GLIS3: variants seen among roughly 807,000 people sequenced by gnomAD.
The protein encoded by GLIS3 is GLIS family zinc finger 3, also known as zinc finger protein GLIS3.
Under a neutral mutation model 78.6 loss-of-function variants are expected in GLIS3, and 53 were observed. That is an observed-to-expected ratio of 0.67 (90% CI 0.54 to 0.85). GLIS3 has a LOEUF of 0.85. GLIS3 is among the 40% of genes least tolerant of loss of function. The pLI is 0.00. For synonymous variants in GLIS3, 684 were observed against 509.9 expected, an observed-to-expected ratio of 1.34 and a Z score of -4.60; for missense variants, 1,703 against 1,231.1, an observed-to-expected ratio of 1.38 and a Z score of -5.74.
intron 2 of GLIS3, among the ~76,000 whole-genome samples, chr9:4,133,631 G>C (rs1422542531): frequency 6.6e-6 from 1 of 152,154 alleles, no homozygotes; most frequent in Non-Finnish European, 1.5e-5. Context: ...GTTAACACTA[G>C]CAGTTACCTC....
At chr9:4,047,471 T>G (rs1380256993) in intron 4 of GLIS3, among the ~76,000 whole-genome samples, 1 of 152,212 alleles carries the variant, frequency 6.6e-6, no homozygotes, top group African/African-American at 2.4e-5. Flanking sequence ...TTCATTTCAC[T>G]AATTTCAAAA....
At chr9:4,115,925 A>C (rs555240933) in intron 4 of GLIS3, among the ~76,000 whole-genome samples, 1 of 152,334 alleles carries the variant, frequency 6.6e-6, no homozygotes, top group East Asian at 1.9e-4. Flanking sequence ...ATCATCTCCC[A>C]TACCCATTCT....
the GLIS3 span, among the ~76,000 whole-genome samples, chr9:4,459,958 G>A: frequency 6.6e-6 from 1 of 152,130 alleles, no homozygotes; most frequent in Non-Finnish European, 1.5e-5. Flanking sequence ...TGACACAGAT[G>A]ACCTTAATAA....
At chr9:4,021,191 A>G (rs997782270) in intron 4 of GLIS3, among the ~76,000 whole-genome samples, 2 of 151,942 alleles carry the variant, frequency 1.3e-5, no homozygotes, top group African/African-American at 4.8e-5. Context: ...ATATGTGTAT[A>G]CACACTATAT....
At chr9:4,267,684 C>G (rs1479880224) in intron 2 of GLIS3, among the ~76,000 whole-genome samples, 1 of 152,116 alleles carries the variant, frequency 6.6e-6, no homozygotes, top group Non-Finnish European at 1.5e-5. Context: ...TGACCAGGAT[C>G]CTCACAAATC....
chr9:4,341,952 T>C (rs1817839283), intron 2 of GLIS3, among the ~76,000 whole-genome samples: 2 of 151,902 alleles, frequency 1.3e-5, no homozygotes, highest in South Asian at 4.1e-4. Flanking sequence ...GGATGTATGT[T>C]TTTGCTTGTT....
chr9:4,487,524 T>C, the GLIS3 span, among the ~76,000 whole-genome samples: 1 of 152,136 alleles, frequency 6.6e-6, no homozygotes, highest in Non-Finnish European at 1.5e-5. Context: ...CTAAATACTT[T>C]ACCCCGAGAA....
intron 2 of GLIS3, among the ~76,000 whole-genome samples, chr9:4,221,008 T>G (rs1191818260): frequency 6.6e-6 from 1 of 152,108 alleles, no homozygotes; most frequent in Non-Finnish European, 1.5e-5. Context: ...AATTAATAAG[T>G]GTTTCTCTGG....
intron 4 of GLIS3, among the ~76,000 whole-genome samples, chr9:3,953,973 C>T (rs1252264110): frequency 6.6e-6 from 1 of 152,082 alleles, no homozygotes; most frequent in African/African-American, 2.4e-5. Context: ...TTCACAATAC[C>T]ACGTTTTTTT....
chr9:4,444,937 T>C, the GLIS3 span, among the ~76,000 whole-genome samples: 10 of 152,222 alleles, frequency 6.6e-5, no homozygotes, highest in African/African-American at 2.2e-4. Context: ...ATAAGAAACA[T>C]GAGGGTTAAA....
the GLIS3 span, among the ~76,000 whole-genome samples, chr9:4,464,805 T>G: frequency 6.6e-6 from 1 of 152,348 alleles, no homozygotes; most frequent in African/African-American, 2.4e-5. Flanking sequence ...TTGTAAAGGT[T>G]GTATGCAGAA....
intron 4 of GLIS3, among the ~76,000 whole-genome samples, chr9:4,040,313 C>A (rs571570654): frequency 6.6e-5 from 10 of 150,758 alleles, no homozygotes; most frequent in African/African-American, 2.2e-4. Flanking sequence ...AAAAAACCTG[C>A]TACATTGAAT....
the GLIS3 span, among the ~76,000 whole-genome samples, chr9:4,359,309 C>T: frequency 1.3e-5 from 2 of 152,086 alleles, no homozygotes; most frequent in African/African-American, 4.8e-5. Context: ...CAGATCTTTT[C>T]TCCTTACCTT....
intron 2 of GLIS3, among the ~76,000 whole-genome samples, chr9:4,143,761 C>G (rs1442686429): frequency 2.0e-5 from 3 of 152,168 alleles, no homozygotes; most frequent in African/African-American, 7.2e-5. Context: ...AACCACTATT[C>G]TACCCTCTGC....
chr9:4,425,471 G>A, the GLIS3 span, among the ~76,000 whole-genome samples: 1 of 152,184 alleles, frequency 6.6e-6, no homozygotes, highest in African/African-American at 2.4e-5. Context: ...GGCAGGGCCT[G>A]CCAGGCAAGT....
At chr9:4,173,595 CACACACAT>C (rs1256296620) in intron 2 of GLIS3, among the ~76,000 whole-genome samples, 90 of 109,036 alleles carry the variant, frequency 8.3e-4, no homozygotes, top group African/African-American at 2.9e-3. Flanking sequence ...CACACACACA[CACACACAT>C]ATATATGTTT....
intron 2 of GLIS3, among the ~76,000 whole-genome samples, chr9:4,279,046 A>T (rs1035507562): frequency 2.0e-5 from 3 of 152,174 alleles, no homozygotes; most frequent in Admixed American, 6.5e-5. Context: ...TCATGCCTGT[A>T]ATCCCAGCAC....
At chr9:4,264,650 A>C (rs1426932150) in intron 2 of GLIS3, among the ~76,000 whole-genome samples, 2 of 152,056 alleles carry the variant, frequency 1.3e-5, no homozygotes, top group African/African-American at 2.4e-5. Context: ...CTTCACTCAA[A>C]TCAGAGAAGC....
the GLIS3 span, among the ~76,000 whole-genome samples, chr9:4,397,293 G>A: frequency 6.6e-6 from 1 of 150,786 alleles, no homozygotes. Context: ...CCAAAGTGCT[G>A]GGATTACAGG....
Sources: allele counts gnomAD v4.1 joint callset (sites outside exome capture counted in the v4.1 genomes callset), GRCh38; gene constraint gnomAD v4.1.1; transcripts MANE v1.5; gene names NCBI Gene and HGNC (gene_info 2026-07-23, HGNC 2026-07-21).